Variants in MYO1D observed in about 807,000 individuals in gnomAD.
The protein encoded by MYO1D is myosin ID, also known as unconventional myosin-Id.
MYO1D carries 83 observed loss-of-function variants against 122.0 expected under a neutral mutation model. That is an observed-to-expected ratio of 0.68 (90% CI 0.57 to 0.82). The LOEUF (loss-of-function observed/expected upper bound fraction) is 0.82, where lower values mean the gene tolerates loss of function less well. Ranked by LOEUF, MYO1D falls within the 40% of genes least tolerant of loss-of-function variation. The pLI is 0.00. For missense variants in MYO1D, 1,157 were observed against 1,269.5 expected (o/e 0.91, Z 1.35); for synonymous variants, 464 against 446.9 (o/e 1.04, Z -0.48).
rs572002855 is a variant in MYO1D, at chr17:32,615,317, A to T, written c.2710-10076T>A. ...CAGGGAAAAGACTACTTCGAGCCAG[A>T]GGAAAGCGGACCTTTGTTAAGGAGA... On this transcript the variant is annotated intron_variant, in intron 20 of 21. Coordinates refer to ENST00000318217, the MANE Select transcript of MYO1D (RefSeq NM_015194.3). 2.6e-5 allele frequency among the ~76,000 whole-genome samples: 4 copies of T among 152,362 alleles called. No individual in the cohort carries two copies. In the East Asian group the frequency reaches 7.7e-4, roughly 29 times the overall value.
chr17:32,547,806 C>T lies in MYO1D; in HGVS notation c.2865-52891G>A, dbSNP rs143979867. Among the ~76,000 whole-genome samples, 260 of 151,994 alleles carry T rather than the reference C, an allele frequency of 1.7e-3. 3 individuals carry two copies. Among genetic ancestry groups the T allele is most frequent in the African/African-American group, 5.9e-3 (245 of 41,458 alleles). On this transcript the variant is annotated intron_variant, in intron 21 of 21. Transcript: ENST00000318217. ...TACTAAAAAACCTACAAAAATTAGCCGGGCGTGGTGGTGCATGCCTGTAGT... is the reference window on the plus strand; with the variant it reads ...TACTAAAAAACCTACAAAAATTAGCTGGGCGTGGTGGTGCATGCCTGTAGT...
rs866483117 is a variant in MYO1D at position 32,597,884 on chromosome 17, A to G, written c.2864+7203T>C. On this transcript the variant is annotated intron_variant, in intron 21 of 21. Coordinates refer to ENST00000318217, the MANE Select transcript of MYO1D (RefSeq NM_015194.3). ...ACCCTGTCTCAAAAAAAAAAAAAAA[A>G]AAAAAAAAGAAATCTCGTTTCAACT... 2.9e-3 allele frequency among the ~76,000 whole-genome samples: 439 copies of G among 151,098 alleles called. 3 individuals are homozygous for G. The highest frequency in any genetic ancestry group is 0.01 in the African/African-American group (415 of 40,964).
chr17:32,804,022 T>A (rs1036709457), intron 1 of MYO1D, among the ~76,000 whole-genome samples: 2 of 152,352 alleles, frequency 1.3e-5, no homozygotes, highest in East Asian at 3.9e-4. Context: ...CTAGTATTTA[T>A]ATGCAGTCAT....
intron 14 of MYO1D, among the ~76,000 whole-genome samples, chr17:32,726,451 C>T: frequency 7.1e-6 from 1 of 140,100 alleles, no homozygotes; most frequent in African/African-American, 3.2e-5. Flanking sequence ...GAAAAAAAGT[C>T]ATGCTTTTCA....
intron 16 of MYO1D, among the ~76,000 whole-genome samples, chr17:32,708,785 C>T (rs1055090968): frequency 6.6e-6 from 1 of 152,210 alleles, no homozygotes; most frequent in Non-Finnish European, 1.5e-5. Flanking sequence ...ACAGAGAAGA[C>T]TGGACAGCTT....
At chr17:32,741,238 A>AAG (rs1010496102) in intron 13 of MYO1D, among the ~76,000 whole-genome samples, 1 of 151,736 alleles carries the variant, frequency 6.6e-6, no homozygotes, top group African/African-American at 2.4e-5. Flanking sequence ...AAAAAAAAAA[A>AAG]AAAGAAAAGA....
In MYO1D at chr17:32,764,943, G is replaced by C. The variant is rs773359084; in HGVS notation, c.970C>G (p.Arg324Gly). 2 of 1,614,168 alleles carry C rather than the reference G, an allele frequency of 1.2e-6. No individual in the cohort carries two copies. Among genetic ancestry groups the C allele is most frequent in the South Asian group, 2.2e-5 (2 of 91,080 alleles). Residue 324 changes from arginine (R) to glycine (G), a missense_variant, in exon 8 of 22, where the codon CGT becomes GGT. By Grantham distance (125) the Arg-to-Gly change is moderately radical. Transcript: ENST00000318217. Reference protein sequence around the residue: ...ALLYRTVATGRDIIDKQHTEQ... With the variant: ...ALLYRTVATGGDIIDKQHTEQ... ...GTGTGCTGCTTGTCAATGATGTCACGGCCTGTGGCCACAGTCCGGTAAAGA... is the reference window on the plus strand; with the variant it reads ...GTGTGCTGCTTGTCAATGATGTCACCGCCTGTGGCCACAGTCCGGTAAAGA...
intron 1 of MYO1D, among the ~76,000 whole-genome samples, chr17:32,829,746 G>A (rs1322370309): frequency 6.6e-6 from 1 of 152,126 alleles, no homozygotes; most frequent in Non-Finnish European, 1.5e-5. Context: ...GAGCCACCAA[G>A]CCCGGCTTCA....
chr17:32,633,360 G>A (rs2088049306), intron 20 of MYO1D, among the ~76,000 whole-genome samples: 1 of 152,070 alleles, frequency 6.6e-6, no homozygotes, highest in Non-Finnish European at 1.5e-5. Context: ...GGAACACAAA[G>A]GAGTATATAC....
intron 16 of MYO1D, among the ~76,000 whole-genome samples, chr17:32,692,753 CTG>C (rs1297871160): frequency 1.3e-5 from 2 of 152,166 alleles, no homozygotes; most frequent in African/African-American, 4.8e-5. Flanking sequence ...AACTCCCAAA[CTG>C]AGGATGGTTC....
In MYO1D at chr17:32,560,528, C is replaced by CCTATATATATATAT. The variant is rs1233632484; in HGVS notation, c.2864+44558_2864+44559insATATATATATATAG. 1.3e-3 allele frequency among the ~76,000 whole-genome samples: 82 copies of CCTATATATATATAT among 65,434 alleles called. 23 individuals carry two copies. Among genetic ancestry groups the CCTATATATATATAT allele is most frequent in the African/African-American group, 3.0e-3 (60 of 19,850 alleles). 42.9% of individuals were successfully genotyped at this position (65,434 alleles called of 152,430 possible). ...AAAAAAAAGTAATACCCAGAGACAA[C>CCTATATATATATAT]ATATATATATATATATATATATATA... is the stretch of plus-strand genomic sequence containing the variant. On this transcript the variant is annotated intron_variant, in intron 21 of 21. Transcript: ENST00000318217.
chr17:32,513,056 C>G (rs750792696), intron 21 of MYO1D: 9 of 152,174 alleles, frequency 5.9e-5, no homozygotes, highest in Non-Finnish European at 5.9e-5. Context: ...GTTAACTGTC[C>G]GTCTCCTATA....
At chr17:32,635,061 C>T (rs1375331939) in intron 20 of MYO1D, among the ~76,000 whole-genome samples, 5 of 152,146 alleles carry the variant, frequency 3.3e-5, no homozygotes, top group African/African-American at 1.2e-4. Flanking sequence ...ACAAAAGTAC[C>T]GATCTGGATC....
chr17:32,628,887 T>C (rs1246241531), intron 20 of MYO1D, among the ~76,000 whole-genome samples: 1 of 152,224 alleles, frequency 6.6e-6, no homozygotes, highest in East Asian at 1.9e-4. Context: ...CTCCTATTTA[T>C]TCAATAGATT....
At chr17:32,806,301 C>T (rs1366704782) in intron 1 of MYO1D, among the ~76,000 whole-genome samples, 1 of 152,150 alleles carries the variant, frequency 6.6e-6, no homozygotes, top group Non-Finnish European at 1.5e-5. Flanking sequence ...CTTATCACAC[C>T]ATACCTAAGG....
Position 32,612,520 on chromosome 17 carries a change from TA to T in MYO1D, c.2710-7280del, listed in dbSNP as rs202029309. ...TGGGCAACATAGCAAAAACCCCAGC[TA>T]AAAAAAAAATTAGCTGGAGCTGGAT... is the stretch of plus-strand genomic sequence containing the variant. On this transcript the variant is annotated intron_variant, in intron 20 of 21. Transcript: ENST00000318217. Among the ~76,000 whole-genome samples the T allele has an allele frequency of 1.5e-3, 227 of 146,612 alleles. 1 individual carries two copies. The highest frequency in any genetic ancestry group is 5.1e-3 in the African/African-American group (203 of 40,178).
chr17:32,798,174 T>C (rs1238876581), intron 1 of MYO1D, among the ~76,000 whole-genome samples: 1 of 152,230 alleles, frequency 6.6e-6, no homozygotes, highest in East Asian at 1.9e-4. Context: ...ACTATTGTTT[T>C]TGTTGGGGTG....
intron 3 of MYO1D, among the ~76,000 whole-genome samples, chr17:32,776,769 C>G (rs2090175987): frequency 6.6e-6 from 1 of 152,186 alleles, no homozygotes; most frequent in African/African-American, 2.4e-5. Context: ...TTTGTACCAG[C>G]CATTTAATGC....
intron 21 of MYO1D, among the ~76,000 whole-genome samples, chr17:32,583,783 A>T (rs115309361): frequency 0.022 from 3,392 of 151,534 alleles, 136 homozygotes; most frequent in African/African-American, 0.078. Context: ...TCTGTCACCC[A>T]GGCTGGAGTG....
Sources: gnomAD v4.1 joint callset for allele counts (sites outside exome capture counted in the v4.1 genomes callset) on GRCh38, gnomAD v4.1.1 for gene constraint, MANE v1.5 for transcripts, NCBI Gene and HGNC (gene_info 2026-07-23, HGNC 2026-07-21) for gene names.